LIPK: variants seen among roughly 807,000 people sequenced by gnomAD.
The protein encoded by LIPK is lipase member K.
In LIPK, 32 loss-of-function variants were observed where a neutral mutation model predicts 48.6. The observed-to-expected ratio is 0.66, with a 90% CI of 0.50 to 0.88. LIPK has a LOEUF of 0.88. Among genes scored for constraint, LIPK ranks in the 40% least tolerant of loss-of-function variants. The pLI is 0.00. For missense variants in LIPK, 507 were observed against 478.5 expected (o/e 1.06, Z -0.56); for synonymous variants, 164 against 157.4 (o/e 1.04, Z -0.32).
At chr10:88,735,704 G>A in intron 6 of LIPK, among the ~76,000 whole-genome samples, 1 of 152,184 alleles carries the variant, frequency 6.6e-6, no homozygotes, top group Middle Eastern at 3.2e-3. Flanking sequence ...TACCAAAAGA[G>A]CTACTAGAAG....
At chr10:88,712,535 T>C (rs1393189324) in intron 1 of LIPK, among the ~76,000 whole-genome samples, 3 of 152,220 alleles carry the variant, frequency 2.0e-5, no homozygotes, top group Non-Finnish European at 2.9e-5. Context: ...ATTGTAAATA[T>C]AGTACTGCTC....
intron 9 of LIPK, among the ~76,000 whole-genome samples, chr10:88,745,349 T>G (rs1842748679): frequency 1.3e-5 from 2 of 151,980 alleles, no homozygotes; most frequent in South Asian, 4.2e-4. Context: ...CCAAGGTCTA[T>G]ATGAAAGAAA....
chr10:88,714,235 T>C (rs1842075482), intron 1 of LIPK, among the ~76,000 whole-genome samples: 1 of 152,168 alleles, frequency 6.6e-6, no homozygotes, highest in South Asian at 2.1e-4. Flanking sequence ...CTAAAAATTT[T>C]TTATTATAAA....
At chr10:88,752,116 A>G (rs1360746809) in intron 9 of LIPK, among the ~76,000 whole-genome samples, 14 of 152,194 alleles carry the variant, frequency 9.2e-5, no homozygotes. Context: ...GCTGATTCCC[A>G]AATATTAATA....
At chr10:88,737,419 A>T (rs1053747341) in intron 6 of LIPK, among the ~76,000 whole-genome samples, 23 of 152,200 alleles carry the variant, frequency 1.5e-4, no homozygotes, top group Admixed American at 6.5e-5. Flanking sequence ...CTCAAGGGGC[A>T]TTCTAAAAAC....
At chr10:88,712,265 C>T (rs1321087293) in intron 1 of LIPK, among the ~76,000 whole-genome samples, 1 of 152,152 alleles carries the variant, frequency 6.6e-6, no homozygotes, top group East Asian at 1.9e-4. Context: ...TGAACTCTCT[C>T]AGTTGAAATC....
At chr10:88,739,946 G>C in intron 7 of LIPK, 50 bp from the exon 8 acceptor site, 2 of 1,098,292 alleles carry the variant, frequency 1.8e-6, no homozygotes, top group Non-Finnish European at 2.7e-6. Context: ...ATGTTTACTT[G>C]TGGTATGATG....
At chr10:88,735,955 T>C (rs1842562944) in intron 6 of LIPK, among the ~76,000 whole-genome samples, 1 of 152,208 alleles carries the variant, frequency 6.6e-6, no homozygotes, top group African/African-American at 2.4e-5. Context: ...AATGTCCTGC[T>C]AATTTACTCC....
intron 1 of LIPK, among the ~76,000 whole-genome samples, chr10:88,723,639 AT>A (rs1416251893): frequency 6.6e-6 from 1 of 152,176 alleles, no homozygotes; most frequent in African/African-American, 2.4e-5. Flanking sequence ...AGTTTAAATA[AT>A]AATGTTTTTC....
intron 1 of LIPK, among the ~76,000 whole-genome samples, chr10:88,711,093 T>C (rs1192554195): frequency 6.6e-6 from 1 of 152,200 alleles, no homozygotes; most frequent in South Asian, 2.1e-4. Flanking sequence ...ACCTTCCATC[T>C]ATTCTCTTTT....
At chr10:88,752,074 A>G (rs1048280337) in intron 9 of LIPK, among the ~76,000 whole-genome samples, 7 of 152,206 alleles carry the variant, frequency 4.6e-5, no homozygotes, top group Non-Finnish European at 8.8e-5. Flanking sequence ...AATGTCTTTC[A>G]TGCCTTGGTC....
At chr10:88,724,035 T>C (rs1278293298) in intron 1 of LIPK, among the ~76,000 whole-genome samples, 1 of 152,162 alleles carries the variant, frequency 6.6e-6, no homozygotes, top group East Asian at 1.9e-4. Flanking sequence ...ATTTTTCTTT[T>C]AGATAGATTC....
chr10:88,750,206 G>T (rs1399454525), intron 9 of LIPK, among the ~76,000 whole-genome samples: 1 of 152,184 alleles, frequency 6.6e-6, no homozygotes, highest in Non-Finnish European at 1.5e-5. Context: ...CCACTGGTGG[G>T]AATGTAAATT....
chr10:88,750,268 A>G (rs1842842345), intron 9 of LIPK, among the ~76,000 whole-genome samples: 1 of 152,214 alleles, frequency 6.6e-6, no homozygotes, highest in South Asian at 2.1e-4. Context: ...AACTTAAAAC[A>G]GAACTATGAT....
intron 6 of LIPK, among the ~76,000 whole-genome samples, chr10:88,734,392 T>G (rs933949691): frequency 6.6e-6 from 1 of 152,142 alleles, no homozygotes; most frequent in Admixed American, 6.5e-5. Context: ...CATAACTCAC[T>G]TTACTGGAGA....
At chr10:88,734,856 T>C (rs1047572364) in intron 6 of LIPK, among the ~76,000 whole-genome samples, 7 of 152,354 alleles carry the variant, frequency 4.6e-5, no homozygotes, top group African/African-American at 1.7e-4. Context: ...TTTGACTTTT[T>C]GAGGAACGGG....
At chr10:88,727,621 C>T in intron 3 of LIPK, 1 of 161,728 alleles carries the variant, frequency 6.2e-6, no homozygotes, top group Non-Finnish European at 1.3e-5. Flanking sequence ...GTATCAGAAC[C>T]TCAAGCTTCT....
At chr10:88,735,174 C>T (rs1033123957) in intron 6 of LIPK, among the ~76,000 whole-genome samples, 2 of 152,212 alleles carry the variant, frequency 1.3e-5, no homozygotes, top group Non-Finnish European at 2.9e-5. Context: ...TGCTAAGCCT[C>T]AATTTTCACA....
chr10:88,726,739 G>A, intron 2 of LIPK, 56 bp from the exon 3 acceptor site: 1 of 837,864 alleles, frequency 1.2e-6, no homozygotes, highest in Non-Finnish European at 2.0e-6. Context: ...TGTAATTCAT[G>A]TGTAAAAATT....
Sources: allele counts gnomAD v4.1 joint callset (sites outside exome capture counted in the v4.1 genomes callset), GRCh38; gene constraint gnomAD v4.1.1; transcripts MANE v1.5; gene names NCBI Gene and HGNC (gene_info 2026-07-23, HGNC 2026-07-21).